CPSF6: variants seen among roughly 807,000 people sequenced by gnomAD.
CPSF6 encodes cleavage and polyadenylation specific factor 6.
A neutral mutation model predicts 56.7 loss-of-function variants in CPSF6; 10 were observed. The ratio of observed to expected loss-of-function variants is 0.18; its 90% CI spans 0.11 to 0.30. The LOEUF is 0.30. Among genes scored for constraint, CPSF6 ranks in the 10% least tolerant of loss-of-function variants. CPSF6 has a pLI of 1.00. For missense variants in CPSF6, 419 were observed against 722.9 expected, an observed-to-expected ratio of 0.58 and a Z score of 4.82; for synonymous variants, 248 against 244.8, an observed-to-expected ratio of 1.01 and a Z score of -0.12.
intron 1 of CPSF6, among the ~76,000 whole-genome samples, chr12:69,244,528 C>T (rs1871788901): frequency 6.6e-6 from 1 of 151,816 alleles, no homozygotes. Flanking sequence ...TGGGCCTAAA[C>T]TTTTTTCTAT....
intron 1 of CPSF6, among the ~76,000 whole-genome samples, chr12:69,250,535 C>A (rs1482444900): frequency 1.4e-4 from 19 of 140,246 alleles, no homozygotes; most frequent in African/African-American, 5.1e-4. Context: ...AGGAGGATTG[C>A]TTGAACTCAG....
Position 69,239,786 on chromosome 12 carries a change from C to T in CPSF6, c.60+80C>T. ...GCTGACCCGGGGCCCGCTGCGGCCG[C>T]GAGCCGAAGCGACTGCAGAGTGTGC... is the stretch of plus-strand genomic sequence containing the variant. On this transcript the variant is annotated intron_variant, in intron 1 of 9. Coordinates refer to ENST00000435070, the MANE Select transcript of CPSF6 (RefSeq NM_007007.3). The T allele has an allele frequency of 2.9e-6, 4 of 1,368,110 alleles. No individual in the cohort carries two copies. The South Asian group carries it at 4.5e-5, about 15-fold the overall frequency. 84.7% of individuals were successfully genotyped at this position (1,368,110 alleles called of 1,614,324 possible). A position where few individuals can be genotyped will look rare whatever the true frequency, so the allele number is the denominator to read the frequency against.
intron 8 of CPSF6, 55 bp from the exon 9 acceptor site, chr12:69,262,318 T>C: frequency 6.9e-7 from 1 of 1,445,644 alleles, no homozygotes; most frequent in African/African-American, 1.4e-5. Context: ...AAAAATTGAA[T>C]ATTTTTAGGC....
At chr12:69,248,964 C>T (rs564440898) in intron 1 of CPSF6, among the ~76,000 whole-genome samples, 21 of 151,888 alleles carry the variant, frequency 1.4e-4, no homozygotes, top group East Asian at 1.4e-3. Flanking sequence ...ATCTTATTCT[C>T]GGCCGGGTGT....
At chr12:69,255,502 A>C (rs967590926) in intron 3 of CPSF6, among the ~76,000 whole-genome samples, 1 of 152,200 alleles carries the variant, frequency 6.6e-6, no homozygotes, top group Non-Finnish European at 1.5e-5. Flanking sequence ...ATACGTGCTC[A>C]TCAGCAATGT....
At chr12:69,251,060 T>A in intron 1 of CPSF6, 69 bp from the exon 2 acceptor site, 1 of 1,441,350 alleles carries the variant, frequency 6.9e-7, no homozygotes, top group South Asian at 1.3e-5. Flanking sequence ...AAAGTTGAAT[T>A]TGTATTCAAG....
At chr12:69,268,849 G>A (rs971626501) in intron 9 of CPSF6, among the ~76,000 whole-genome samples, 5 of 151,614 alleles carry the variant, frequency 3.3e-5, no homozygotes, top group East Asian at 1.9e-4. Context: ...ATAATACTAC[G>A]TTAGGTATTT....
rs1050895014 is a variant in CPSF6, at chr12:69,259,360, A to G, written c.1200-68A>G. 4.1e-5 allele frequency: 64 copies of G among 1,556,068 alleles called. No individual in the cohort carries two copies. The South Asian group carries it at 6.2e-4, about 15-fold the overall frequency. The stretch of plus-strand genomic sequence containing the variant: ...TCAGAAGCAGCTAGTATGAATTGCT[A>G]TACACTGTTGTGACTAACTGAGGAA... On this transcript the variant is annotated intron_variant, in intron 6 of 9. Transcript: ENST00000435070.
intron 9 of CPSF6, among the ~76,000 whole-genome samples, chr12:69,267,731 C>T (rs1199796540): frequency 6.6e-6 from 1 of 151,778 alleles, no homozygotes; most frequent in African/African-American, 2.4e-5. Context: ...ATAAAAACTG[C>T]TAGACTATCC....
chr12:69,271,073 TCAAA>T lies in CPSF6; in HGVS notation c.*1567_*1570del, dbSNP rs1290479754. On this transcript the variant is annotated 3_prime_UTR_variant, in exon 10 of 10. Coordinates refer to ENST00000435070, the MANE Select transcript of CPSF6 (RefSeq NM_007007.3). ...TTCTTCACTTTCATCTTGTCTGCTA[TCAAA>T]CCACTTCTGACAAAATTAGCTGTTT... 1 of 152,092 alleles carries T rather than the reference TCAAA, an allele frequency of 6.6e-6. No homozygotes were observed. Among genetic ancestry groups the T allele is most frequent in the Non-Finnish European group, 1.5e-5 (1 of 67,712 alleles). 9.4% of individuals were successfully genotyped at this position (152,092 alleles called of 1,614,324 possible). A position where few individuals can be genotyped will look rare whatever the true frequency, so the allele number is the denominator to read the frequency against.
At chr12:69,261,843 A>G (rs1340723917) in intron 8 of CPSF6, among the ~76,000 whole-genome samples, 2 of 152,186 alleles carry the variant, frequency 1.3e-5, no homozygotes, top group Non-Finnish European at 2.9e-5. Context: ...ACTGGTCATA[A>G]TTGTTAGCCC....
chr12:69,251,100 T>TA, intron 1 of CPSF6, 29 bp from the exon 2 acceptor site: 1 of 1,582,028 alleles, frequency 6.3e-7, no homozygotes, highest in South Asian at 1.1e-5. Context: ...GACTTTTGTA[T>TA]AATCTAGAGC....
chr12:69,245,030 G>A (rs532916365), intron 1 of CPSF6, among the ~76,000 whole-genome samples: 2 of 151,394 alleles, frequency 1.3e-5, no homozygotes, highest in South Asian at 2.1e-4. Flanking sequence ...AGCCTGAGGC[G>A]GCAGATTGCT....
At chr12:69,242,578 G>C (rs1369868810) in intron 1 of CPSF6, among the ~76,000 whole-genome samples, 2 of 152,140 alleles carry the variant, frequency 1.3e-5, no homozygotes, top group Non-Finnish European at 2.9e-5. Flanking sequence ...ACTCCTTATG[G>C]GTTCTCTTTA....
rs1214251903 is a variant in CPSF6, at chr12:69,239,646, G to A, written c.-1G>A. 1.2e-5 allele frequency: 19 copies of A among 1,576,076 alleles called. No homozygotes were observed. The highest frequency in any genetic ancestry group is 1.7e-4 in the Middle Eastern group (1 of 5,928). On this transcript the variant is annotated 5_prime_UTR_variant, in exon 1 of 10. Coordinates refer to ENST00000435070, the MANE Select transcript of CPSF6 (RefSeq NM_007007.3). Reference sequence around the variant, plus strand: ...GCGGCGGCGGCCGAGGCTGAAGGAAGATGGCGGACGGCGTGGACCACATAG... The same window carrying A: ...GCGGCGGCGGCCGAGGCTGAAGGAAAATGGCGGACGGCGTGGACCACATAG...
chr12:69,244,749 C>T (rs899251298), intron 1 of CPSF6, among the ~76,000 whole-genome samples: 2 of 151,658 alleles, frequency 1.3e-5, no homozygotes, highest in Admixed American at 6.6e-5. Flanking sequence ...TTAACCTAGG[C>T]CTGCACAGGG....
chr12:69,249,152 C>CGGTGGGGGGGGGGGGGGG (rs1491257320), intron 1 of CPSF6, among the ~76,000 whole-genome samples: 1 of 16,614 alleles, frequency 6.0e-5, no homozygotes, highest in Non-Finnish European at 9.8e-5. Context: ...CCCAGCTACT[C>CGGTGGGGGGGGGGGGGGG]GGGGGGGGGG....
In CPSF6 at chr12:69,262,577, T is replaced by C; in HGVS notation, c.*3+15T>C. 1 of 1,598,074 alleles carries C rather than the reference T, an allele frequency of 6.3e-7. No homozygotes were observed. The highest frequency in any genetic ancestry group is 8.5e-7 in the Non-Finnish European group (1 of 1,171,352). Reference sequence around the variant, plus strand: ...ATCGTTAGAAGGTGGGTATTCCTTGTTCCCTGTTAAATGTGTGTGTATTCT... The same window carrying C: ...ATCGTTAGAAGGTGGGTATTCCTTGCTCCCTGTTAAATGTGTGTGTATTCT... On this transcript the variant is annotated intron_variant, in intron 9 of 9. Coordinates refer to ENST00000435070, the MANE Select transcript of CPSF6 (RefSeq NM_007007.3).
rs2120564617 is a variant in CPSF6 at position 69,258,351 on chromosome 12, A to C, written c.695-239A>C. On this transcript the variant is annotated intron_variant, in intron 5 of 9. Coordinates refer to ENST00000435070, the MANE Select transcript of CPSF6 (RefSeq NM_007007.3). The surrounding 1 kb of genome is among the most constrained non-coding windows in gnomAD (Gnocchi z 4.2). ...ATGGAAAATATCTCTAGGCATTGTA[A>C]TATTTTTTTATTAAAGTTTTCGTTT... Among the ~76,000 whole-genome samples the C allele has an allele frequency of 6.6e-6, 1 of 152,260 alleles. No homozygotes were observed. Among genetic ancestry groups the C allele is most frequent in the South Asian group, 2.1e-4 (1 of 4,822 alleles).
Sources: allele counts gnomAD v4.1 joint callset (sites outside exome capture counted in the v4.1 genomes callset), GRCh38; gene constraint gnomAD v4.1.1; non-coding constraint Gnocchi (gnomAD v3.1); transcripts MANE v1.5; gene names NCBI Gene and HGNC (gene_info 2026-07-23, HGNC 2026-07-21).